The following NTM variants were observed in gnomAD, a reference collection of about 807,000 sequenced individuals.
NTM encodes the protein IgLON family member 2.
In NTM, 13 loss-of-function variants were observed where a neutral mutation model predicts 42.1. The ratio of observed to expected loss-of-function variants is 0.31; its 90% confidence interval spans 0.20 to 0.49. The LOEUF (loss-of-function observed/expected upper bound fraction) is 0.49, where lower values mean the gene tolerates loss of function less well. Ranked by LOEUF, NTM falls within the 20% of genes least tolerant of loss-of-function variation. The pLI is 0.99. For synonymous variants in NTM, 187 were observed against 179.2 expected (o/e 1.04, Z -0.35); for missense variants, 373 against 452.8 (o/e 0.82, Z 1.60).
At chr11:131,990,318 T>G (rs2066800129) in intron 2 of NTM, among the ~76,000 whole-genome samples, 1 of 152,160 alleles carries the variant, frequency 6.6e-6, no homozygotes, top group South Asian at 2.1e-4. Flanking sequence ...TGCCAGTAAC[T>G]AAAATGAAAA....
At chr11:131,954,213 G>T (rs1272246663) in intron 2 of NTM, among the ~76,000 whole-genome samples, 1 of 152,224 alleles carries the variant, frequency 6.6e-6, no homozygotes, top group African/African-American at 2.4e-5. Context: ...CACAGGCATT[G>T]TAAGTAGCAC....
chr11:132,290,525 G>A (rs1591780230), intron 4 of NTM, among the ~76,000 whole-genome samples: 1 of 152,194 alleles, frequency 6.6e-6, no homozygotes, highest in African/African-American at 2.4e-5. Context: ...AAGCATAGAT[G>A]AAGAATTAAC....
At chr11:131,612,231 A>G (rs1339894581) in intron 1 of NTM, among the ~76,000 whole-genome samples, 1 of 152,114 alleles carries the variant, frequency 6.6e-6, no homozygotes, top group African/African-American at 2.4e-5. Context: ...ACCCCAGTCT[A>G]CCTCTGACTT....
chr11:131,538,287 A>C (rs2052594932), intron 1 of NTM: 1 of 152,230 alleles, frequency 6.6e-6, no homozygotes, highest in South Asian at 2.1e-4. Context: ...CTCATTTTAC[A>C]CGCGAGAAAA....
chr11:132,205,492 C>T (rs919833575), intron 3 of NTM, among the ~76,000 whole-genome samples: 5 of 152,060 alleles, frequency 3.3e-5, no homozygotes, highest in Admixed American at 1.3e-4. Flanking sequence ...CAATAAGAGC[C>T]GGATTAAACA....
At chr11:131,874,128 A>C (rs10894466) in intron 1 of NTM, among the ~76,000 whole-genome samples, 42,284 of 137,984 alleles carry the variant, frequency 0.31, 7,715 homozygotes, top group East Asian at 0.42. Flanking sequence ...AGAAAATAAA[A>C]ATAAAGGCCT....
intron 1 of NTM, among the ~76,000 whole-genome samples, chr11:131,420,946 C>A (rs1050213121): frequency 9.2e-5 from 14 of 152,042 alleles, no homozygotes; most frequent in Admixed American, 4.6e-4. Flanking sequence ...GAGCTTCCCA[C>A]CCATTCTCTA....
At chr11:132,134,451 A>G (rs2067380465) in intron 2 of NTM, among the ~76,000 whole-genome samples, 1 of 151,736 alleles carries the variant, frequency 6.6e-6, no homozygotes, top group Non-Finnish European at 1.5e-5. Flanking sequence ...AGTGTACCCA[A>G]GGTGTTGTCT....
chr11:131,540,233 T>C lies in NTM; in HGVS notation c.82+169345T>C, dbSNP rs145926037. Reference sequence around the variant, plus strand: ...AGGAAGGAGTGCAGTGGCATAATCTTGGCTCACTGCAACATCCGCCTCCTC... The same window carrying C: ...AGGAAGGAGTGCAGTGGCATAATCTCGGCTCACTGCAACATCCGCCTCCTC... On this transcript the variant is annotated intron_variant, in intron 1 of 8. Transcript: ENST00000683400. 6.0e-3 allele frequency among the ~76,000 whole-genome samples: 837 copies of C among 139,116 alleles called. 12 individuals carry two copies. Among genetic ancestry groups the C allele is most frequent in the African/African-American group, 0.02 (772 of 37,686 alleles). The allele number at this position is 139,116 out of a possible 152,430, so 91.3% of individuals were successfully genotyped here. A position where few individuals can be genotyped will look rare whatever the true frequency, so the allele number is the denominator to read the frequency against.
intron 1 of NTM, among the ~76,000 whole-genome samples, chr11:131,476,586 AG>A (rs1218423462): frequency 5.3e-5 from 8 of 152,184 alleles, no homozygotes; most frequent in African/African-American, 1.9e-4. Flanking sequence ...CTGTGATGAG[AG>A]GGGTTTATGT....
chr11:131,552,920 G>C (rs1474459249), intron 1 of NTM, among the ~76,000 whole-genome samples: 1 of 152,034 alleles, frequency 6.6e-6, no homozygotes, highest in Non-Finnish European at 1.5e-5. Context: ...ACGTCAAACA[G>C]CATTGAAAAT....
chr11:131,768,653 A>G (rs916401685), intron 1 of NTM, among the ~76,000 whole-genome samples: 1 of 152,194 alleles, frequency 6.6e-6, no homozygotes, highest in Non-Finnish European at 1.5e-5. Context: ...TGGCTACCTC[A>G]TCATTAATGG....
chr11:131,487,272 G>A (rs1954279734), intron 1 of NTM, among the ~76,000 whole-genome samples: 1 of 152,132 alleles, frequency 6.6e-6, no homozygotes, highest in African/African-American at 2.4e-5. Flanking sequence ...GAATATAAAG[G>A]CCTCTAACTC....
rs776479403 is a variant in NTM at position 131,911,446 on chromosome 11, G to A, written c.83-118G>A. 5.0e-6 allele frequency: 8 copies of A among 1,613,472 alleles called. No homozygotes were observed. In the Admixed American group the frequency reaches 5.0e-5, roughly 10 times the overall value. ...CTCGCCCGGGGGGCGTGTGCCGTGC[G>A]GCTGCCGGAGTTCGGGGAAGTTGTG... On this transcript the variant is annotated intron_variant, in intron 1 of 8. Transcript: ENST00000683400.
At chr11:132,043,958 ATGTGTGTGTGTGTGTGTGTG>A (rs71067353) in intron 2 of NTM, among the ~76,000 whole-genome samples, 1 of 146,272 alleles carries the variant, frequency 6.8e-6, no homozygotes, top group Non-Finnish European at 1.5e-5. Context: ...GACACCAACT[ATGTGTGTGTGTGTGTGTGTG>A]TGTGTGTGTG....
At chr11:131,908,415 T>G (rs570907647) in intron 1 of NTM, among the ~76,000 whole-genome samples, 7 of 152,348 alleles carry the variant, frequency 4.6e-5, no homozygotes, top group African/African-American at 1.7e-4. Flanking sequence ...ATGCAAAAAC[T>G]AATGCTCCTT....
At chr11:132,034,358 T>C (rs1365726072) in intron 2 of NTM, among the ~76,000 whole-genome samples, 1 of 152,210 alleles carries the variant, frequency 6.6e-6, no homozygotes, top group Non-Finnish European at 1.5e-5. Flanking sequence ...CACGATTTGC[T>C]TCACCCGTCT....
intron 1 of NTM, among the ~76,000 whole-genome samples, chr11:131,607,673 T>C (rs58316896): frequency 0.054 from 8,291 of 152,192 alleles, 721 homozygotes; most frequent in African/African-American, 0.18. Flanking sequence ...CCAACACTCA[T>C]GCTTTTGTCT....
intron 1 of NTM, among the ~76,000 whole-genome samples, chr11:131,788,936 C>T (rs534216590): frequency 6.6e-6 from 1 of 152,278 alleles, no homozygotes; most frequent in South Asian, 2.1e-4. Flanking sequence ...TCTTCTTCCT[C>T]ACCCCTCCCT....
Sources: allele counts gnomAD v4.1 joint callset (sites outside exome capture counted in the v4.1 genomes callset), GRCh38; gene constraint gnomAD v4.1.1; transcripts MANE v1.5; gene names NCBI Gene and HGNC (gene_info 2026-07-23, HGNC 2026-07-21).